NRXN3: variants seen among roughly 807,000 people sequenced by gnomAD.
NRXN3 encodes neurexin III.
In NRXN3, 32 loss-of-function variants were observed where a neutral mutation model predicts 137.6. The ratio of observed to expected loss-of-function variants is 0.23; its 90% CI spans 0.18 to 0.31. NRXN3 has a LOEUF of 0.31. Ranked by LOEUF, NRXN3 falls within the 10% of genes least tolerant of loss-of-function variation. NRXN3 has a pLI of 1.00. For missense variants in NRXN3, 1,574 were observed against 2,062.5 expected (o/e 0.76, Z 4.59); for synonymous variants, 798 against 784.5 (o/e 1.02, Z -0.29).
At chr14:78,285,934 C>T (rs1202547913) in intron 3 of NRXN3, among the ~76,000 whole-genome samples, 1 of 152,122 alleles carries the variant, frequency 6.6e-6, no homozygotes, top group Admixed American at 6.5e-5. Flanking sequence ...CCAGGAAGAC[C>T]CCCCTGGCTC....
rs549473345 is a variant in NRXN3 at position 78,630,257 on chromosome 14, T to G, written c.758-14863T>G. 1.1e-4 allele frequency among the ~76,000 whole-genome samples: 17 copies of G among 152,330 alleles called. No homozygotes were observed. The South Asian group carries it at 3.3e-3, about 30-fold the overall frequency. On this transcript the variant is annotated intron_variant, in intron 4 of 20. Transcript: ENST00000335750. The stretch of plus-strand genomic sequence containing the variant: ...AAAAGAATCTCTGGTTCCAGATTAT[T>G]TATAACTTTTGGATCTTGTTGATGA...
intron 4 of NRXN3, among the ~76,000 whole-genome samples, chr14:78,402,606 G>T (rs1209476445): frequency 2.6e-5 from 4 of 152,148 alleles, no homozygotes; most frequent in African/African-American, 9.7e-5. Flanking sequence ...AAACAGTTTA[G>T]GGTCTACTCT....
intron 4 of NRXN3, among the ~76,000 whole-genome samples, chr14:78,433,001 C>T (rs888731680): frequency 7.9e-5 from 12 of 152,182 alleles, no homozygotes; most frequent in East Asian, 1.9e-4. Flanking sequence ...TATTAGCTCA[C>T]GGTTCTGTAG....
intron 10 of NRXN3, among the ~76,000 whole-genome samples, chr14:78,848,272 C>A (rs1046884505): frequency 6.6e-6 from 1 of 152,072 alleles, no homozygotes; most frequent in Admixed American, 6.6e-5. Context: ...ATCTTCTTCT[C>A]TTATATAGAG....
At chr14:79,216,961 C>T (rs960133527) in intron 15 of NRXN3, among the ~76,000 whole-genome samples, 3 of 152,090 alleles carry the variant, frequency 2.0e-5, no homozygotes, top group African/African-American at 7.2e-5. Flanking sequence ...ATGGTGAAAC[C>T]CTGTCTCTAC....
chr14:78,957,470 C>A, intron 11 of NRXN3, 109 bp downstream of exon 11: 3 of 1,282,190 alleles, frequency 2.3e-6, no homozygotes, highest in Non-Finnish European at 3.2e-6. Context: ...GTAGAAGTCA[C>A]AAATCATGTT....
At chr14:78,728,418 G>A (rs1377457504) in intron 8 of NRXN3, among the ~76,000 whole-genome samples, 2 of 152,150 alleles carry the variant, frequency 1.3e-5, no homozygotes, top group Non-Finnish European at 2.9e-5. Flanking sequence ...CTTGAAGAAG[G>A]GAACTACTAA....
intron 4 of NRXN3, among the ~76,000 whole-genome samples, chr14:78,609,137 T>G (rs1426749576): frequency 6.6e-6 from 1 of 152,084 alleles, no homozygotes; most frequent in Non-Finnish European, 1.5e-5. Flanking sequence ...GAGATTCATC[T>G]TGAAACTAAT....
At chr14:79,186,826 A>G (rs536609408) in intron 15 of NRXN3, among the ~76,000 whole-genome samples, 40 of 151,578 alleles carry the variant, frequency 2.6e-4, no homozygotes, top group African/African-American at 9.8e-4. Flanking sequence ...AGGCAAAGAT[A>G]CGGGTCAAAC....
chr14:79,784,639 A>G (rs1276561697), intron 19 of NRXN3, among the ~76,000 whole-genome samples: 2 of 107,278 alleles, frequency 1.9e-5, no homozygotes, highest in East Asian at 2.6e-4. Flanking sequence ...TTTTTTTTTT[A>G]ATACAGGTAA....
intron 4 of NRXN3, among the ~76,000 whole-genome samples, chr14:78,611,722 A>T (rs971806387): frequency 5.9e-5 from 9 of 152,182 alleles, no homozygotes; most frequent in Non-Finnish European, 1.2e-4. Context: ...CCTTTCTACG[A>T]CATGAAAAAC....
intron 1 of NRXN3, among the ~76,000 whole-genome samples, chr14:78,179,264 C>T (rs574716771): frequency 5.9e-5 from 9 of 152,026 alleles, no homozygotes; most frequent in South Asian, 4.2e-4. Flanking sequence ...GAGCGGGATC[C>T]CCCAGGCTGG....
intron 6 of NRXN3, among the ~76,000 whole-genome samples, chr14:78,681,304 G>A (rs942373851): frequency 3.9e-5 from 6 of 152,154 alleles, no homozygotes; most frequent in African/African-American, 1.4e-4. Context: ...TAGAATCCAC[G>A]TGCAGATGTT....
chr14:79,083,219 C>T (rs1045375202), intron 15 of NRXN3, among the ~76,000 whole-genome samples: 12 of 152,264 alleles, frequency 7.9e-5, no homozygotes, highest in African/African-American at 2.6e-4. Flanking sequence ...AATAACCATT[C>T]CATTGCCAGT....
intron 8 of NRXN3, among the ~76,000 whole-genome samples, chr14:78,754,835 CTTT>C (rs36056842): frequency 1.4e-5 from 2 of 143,304 alleles, no homozygotes; most frequent in Non-Finnish European, 1.5e-5. Context: ...TCAGTATACA[CTTT>C]TTTTTTTTTT....
At chr14:78,790,948 A>G (rs1388929560) in intron 8 of NRXN3, among the ~76,000 whole-genome samples, 2 of 152,178 alleles carry the variant, frequency 1.3e-5, no homozygotes, top group Non-Finnish European at 2.9e-5. Context: ...GCAATATCAC[A>G]TGAATTGCAT....
chr14:78,715,968 T>C (rs927974146), intron 8 of NRXN3, among the ~76,000 whole-genome samples: 8 of 152,090 alleles, frequency 5.3e-5, no homozygotes, highest in African/African-American at 1.4e-4. Context: ...ACCCTGACAG[T>C]TGAGGACCTG....
At chr14:78,338,731 C>G (rs2081797800) in intron 4 of NRXN3, among the ~76,000 whole-genome samples, 3 of 152,244 alleles carry the variant, frequency 2.0e-5, no homozygotes, top group Middle Eastern at 3.4e-3. Flanking sequence ...CAGAAGTTTA[C>G]CCCAAGTTAG....
intron 4 of NRXN3, among the ~76,000 whole-genome samples, chr14:78,335,571 G>T (rs1323626754): frequency 6.6e-6 from 1 of 152,200 alleles, no homozygotes; most frequent in Non-Finnish European, 1.5e-5. Flanking sequence ...TAGTTCAAAA[G>T]CTTTGATTAT....
Sources: gnomAD v4.1 joint callset for allele counts (sites outside exome capture counted in the v4.1 genomes callset) on GRCh38, gnomAD v4.1.1 for gene constraint, MANE v1.5 for transcripts, NCBI Gene and HGNC (gene_info 2026-07-23, HGNC 2026-07-21) for gene names.